The following COMMD7 variants were observed in gnomAD, a reference collection of about 807,000 sequenced individuals.
COMMD7 encodes COMM domain containing 7, also known as COMM domain-containing protein 7.
In COMMD7, 28 loss-of-function variants were observed where a neutral mutation model predicts 34.8. The ratio of observed to expected loss-of-function variants is 0.80; its 90% CI spans 0.60 to 1.10. The LOEUF is 1.10. Among genes scored for constraint, COMMD7 ranks in the 50% least tolerant of loss-of-function variants. COMMD7 has a pLI of 0.00. For synonymous variants in COMMD7, 80 were observed against 86.4 expected (o/e 0.93, Z 0.41); for missense variants, 211 against 241.6 (o/e 0.87, Z 0.84).
chr20:32,714,454 G>A (rs916357229), intron 3 of COMMD7, among the ~76,000 whole-genome samples: 5 of 151,986 alleles, frequency 3.3e-5, no homozygotes, highest in African/African-American at 4.8e-5. Flanking sequence ...TTGGGAGGCC[G>A]AGGCAAGCGG....
rs187749865 is a variant in COMMD7, at chr20:32,725,969, G to A, written c.241+1924C>T. Among the ~76,000 whole-genome samples, 468 of 150,808 alleles carry A rather than the reference G, an allele frequency of 3.1e-3. 2 individuals carry two copies. Among genetic ancestry groups the A allele is most frequent in the African/African-American group, 0.011 (452 of 41,028 alleles). On this transcript the variant is annotated intron_variant, in intron 3 of 8. Transcript: ENST00000278980. ...TCCCAGCTACTCCGGAGGCTGATAC[G>A]GGAGGATCACTTAAGCCCGGGAGGC...
At chr20:32,721,350 C>T (rs1055309564) in intron 3 of COMMD7, among the ~76,000 whole-genome samples, 1 of 152,214 alleles carries the variant, frequency 6.6e-6, no homozygotes, top group African/African-American at 2.4e-5. Flanking sequence ...TGGCTCACAT[C>T]TATAATCTCA....
chr20:32,712,293 A>AAAAAG (rs1555823349), intron 3 of COMMD7, among the ~76,000 whole-genome samples: 8 of 147,008 alleles, frequency 5.4e-5, no homozygotes, highest in African/African-American at 2.0e-4. Context: ...AAAAAAAAAA[A>AAAAAG]AGAGAGAGAT....
chr20:32,732,943 A>G (rs1465013474), intron 1 of COMMD7, among the ~76,000 whole-genome samples: 2 of 151,850 alleles, frequency 1.3e-5, no homozygotes, highest in Non-Finnish European at 2.9e-5. Context: ...CTCAAAAAAA[A>G]AGAAAAAAGA....
At chr20:32,743,274 G>GGTCCCGC in intron 1 of COMMD7, 34 bp downstream of exon 1, 1 of 1,452,534 alleles carries the variant, frequency 6.9e-7, no homozygotes, top group East Asian at 2.6e-5. Flanking sequence ...GAATCACCTG[G>GGTCCCGC]GCCCCGCGCC....
intron 3 of COMMD7, among the ~76,000 whole-genome samples, chr20:32,709,250 C>T (rs904632767): frequency 6.6e-6 from 1 of 151,814 alleles, no homozygotes; most frequent in South Asian, 2.1e-4. Context: ...GCCTGGCCAA[C>T]GTGGCAAAAC....
intron 5 of COMMD7, 146 bp downstream of exon 5, chr20:32,706,437 C>G: frequency 1.6e-6 from 1 of 634,664 alleles, no homozygotes; most frequent in Admixed American, 3.0e-5. Context: ...CACTTGAACC[C>G]GAGAGGCAGA....
At chr20:32,715,064 T>C (rs896362467) in intron 3 of COMMD7, among the ~76,000 whole-genome samples, 2 of 149,450 alleles carry the variant, frequency 1.3e-5, no homozygotes, top group Non-Finnish European at 3.0e-5. Flanking sequence ...GAAATAAAAA[T>C]AGGTGACCAA....
At chr20:32,709,691 C>T (rs150948159) in intron 3 of COMMD7, among the ~76,000 whole-genome samples, 78 of 152,256 alleles carry the variant, frequency 5.1e-4, no homozygotes, top group African/African-American at 1.6e-3. Context: ...CTCTGGCCTC[C>T]TCTTAGAACC....
chr20:32,734,346 G>A (rs758614767), intron 1 of COMMD7, among the ~76,000 whole-genome samples: 3 of 151,476 alleles, frequency 2.0e-5, no homozygotes, highest in Non-Finnish European at 4.4e-5. Context: ...GGTGGCATGC[G>A]CCTGTAATCC....
intron 1 of COMMD7, among the ~76,000 whole-genome samples, chr20:32,734,345 C>T (rs1252325521): frequency 2.6e-5 from 4 of 151,144 alleles, no homozygotes; most frequent in Admixed American, 6.6e-5. Context: ...TGGTGGCATG[C>T]GCCTGTAATC....
chr20:32,743,280 G>T (rs1332525594), intron 1 of COMMD7, 28 bp downstream of exon 1: 4 of 703,794 alleles, frequency 5.7e-6, no homozygotes, highest in Non-Finnish European at 8.2e-6. Flanking sequence ...CCTGGGCCCC[G>T]CGCCCCACGC....
At chr20:32,733,905 G>A (rs1985989839) in intron 1 of COMMD7, among the ~76,000 whole-genome samples, 1 of 150,766 alleles carries the variant, frequency 6.6e-6, no homozygotes, top group Admixed American at 6.7e-5. Flanking sequence ...AAGGCCGGGT[G>A]CGGTGGCTCA....
intron 1 of COMMD7, among the ~76,000 whole-genome samples, chr20:32,732,249 T>A (rs556808184): frequency 2.0e-5 from 3 of 152,038 alleles, no homozygotes; most frequent in African/African-American, 7.2e-5. Flanking sequence ...CACATCCACA[T>A]TGGGCTAATT....
intron 3 of COMMD7, among the ~76,000 whole-genome samples, chr20:32,712,511 TA>T (rs1238338144): frequency 1.1e-3 from 139 of 124,364 alleles, no homozygotes; most frequent in East Asian, 1.6e-3. Flanking sequence ...CGTCTCAAAT[TA>T]AAAAAAAAAA....
intron 1 of COMMD7, among the ~76,000 whole-genome samples, chr20:32,732,127 G>C (rs1220203986): frequency 6.6e-6 from 1 of 152,282 alleles, no homozygotes; most frequent in Non-Finnish European, 1.5e-5. Context: ...CTGTCGCCCA[G>C]ACTGGAGTGC....
intron 1 of COMMD7, among the ~76,000 whole-genome samples, chr20:32,735,417 A>G (rs1326443263): frequency 6.6e-6 from 1 of 151,120 alleles, no homozygotes; most frequent in Non-Finnish European, 1.5e-5. Context: ...TCCTGGGTAC[A>G]AGTGATTATC....
At chr20:32,703,866 G>T in intron 8 of COMMD7, 157 bp downstream of exon 8, 8 of 1,549,138 alleles carry the variant, frequency 5.2e-6, no homozygotes, top group Non-Finnish European at 6.1e-6. Context: ...AACACTCCTT[G>T]TGCCATCTTT....
At position 32,704,807 on chromosome 20, in the gene COMMD7, T is replaced by A. The variant is rs1186970906; in HGVS notation, c.427+7A>T. On this transcript the variant is annotated splice_region_variant and intron_variant, in intron 6 of 8. Transcript: ENST00000278980. ...CAAATAACCCAGGACTGGTTGTAAC[T>A]AGTTACCTCCAAATTTCCACTCCAT... 1 of 1,606,192 alleles carries A rather than the reference T, an allele frequency of 6.2e-7. No individual in the cohort carries two copies.
Sources: allele counts gnomAD v4.1 joint callset (sites outside exome capture counted in the v4.1 genomes callset), GRCh38; gene constraint gnomAD v4.1.1; transcripts MANE v1.5; gene names NCBI Gene and HGNC (gene_info 2026-07-23, HGNC 2026-07-21).